TMOD2: variants seen among roughly 807,000 people sequenced by gnomAD.
The protein encoded by TMOD2 is tropomodulin-2.
A neutral mutation model predicts 39.9 loss-of-function variants in TMOD2; 22 were observed. The observed-to-expected ratio is 0.55, with a 90% confidence interval of 0.39 to 0.79. The LOEUF (loss-of-function observed/expected upper bound fraction) is 0.79, where lower values mean the gene tolerates loss of function less well. Ranked by LOEUF, TMOD2 falls within the 30% of genes least tolerant of loss-of-function variation. TMOD2 has a pLI of 0.00. For synonymous variants in TMOD2, 123 were observed against 146.1 expected (o/e 0.84, Z 1.14); for missense variants, 386 against 413.3 (o/e 0.93, Z 0.57).
chr15:51,763,106 T>TAA (rs200817394), intron 1 of TMOD2, among the ~76,000 whole-genome samples: 18 of 150,202 alleles, frequency 1.2e-4, no homozygotes, highest in East Asian at 3.9e-4. Flanking sequence ...AGCTAATTTT[T>TAA]AAAAAAAAAA....
In TMOD2 at chr15:51,808,572, CT is replaced by C; in HGVS notation, c.*119del. The C allele has an allele frequency of 1.5e-6, 1 of 650,646 alleles. No individual in the cohort carries two copies. The highest frequency in any genetic ancestry group is 2.6e-6 in the Non-Finnish European group (1 of 389,848). The allele number at this position is 650,646 out of a possible 1,614,324, so 40.3% of individuals were successfully genotyped here. On this transcript the variant is annotated 3_prime_UTR_variant, in exon 10 of 10. Transcript: ENST00000249700. ...TCGTTCATTTCCGTTAACCACATAA[CT>C]AATAATTTAATTGTTATTCTTTTTT... is the stretch of plus-strand genomic sequence containing the variant.
chr15:51,801,283 A>ACACACACG lies in TMOD2; in HGVS notation c.876+2944_876+2945insACACACGC, dbSNP rs1484824575. Among the ~76,000 whole-genome samples, 4 of 125,956 alleles carry ACACACACG rather than the reference A, an allele frequency of 3.2e-5. No homozygotes were observed. In the South Asian group the frequency reaches 7.6e-4, roughly 24 times the overall value. The allele number at this position is 125,956 out of a possible 152,430, so 82.6% of individuals were successfully genotyped here. A position where few individuals can be genotyped will look rare whatever the true frequency, so the allele number is the denominator to read the frequency against. On this transcript the variant is annotated intron_variant, in intron 8 of 9. Transcript: ENST00000249700. Reference sequence around the variant, plus strand: ...CACACACACACACACACACACACACACCCTGTCTCTCTCTCTCTCTCTCTC... The same window carrying ACACACACG: ...CACACACACACACACACACACACACACACACACGCCCTGTCTCTCTCTCTCTCTCTCTC...
At chr15:51,756,796 C>T (rs1056696978) in intron 1 of TMOD2, among the ~76,000 whole-genome samples, 81 of 152,188 alleles carry the variant, frequency 5.3e-4, no homozygotes, top group African/African-American at 1.9e-3. Flanking sequence ...CTCCTTATCC[C>T]GCCTCATTCT....
At chr15:51,806,712 T>G (rs571049219) in intron 9 of TMOD2, among the ~76,000 whole-genome samples, 191 bp downstream of exon 9, 1 of 152,230 alleles carries the variant, frequency 6.6e-6, no homozygotes. Flanking sequence ...AGTTTCATCA[T>G]AGCATTTTCT....
Position 51,768,389 on chromosome 15 carries a change from A to C in TMOD2, c.254A>C (p.Asp85Ala). 1 of 1,613,658 alleles carries C rather than the reference A, an allele frequency of 6.2e-7. No individual in the cohort carries two copies. Among genetic ancestry groups the C allele is most frequent in the Non-Finnish European group, 8.5e-7 (1 of 1,179,998 alleles). Residue 85 changes from aspartate to alanine, a missense_variant, in exon 3 of 10, where the codon GAC (aspartate) becomes GCC (alanine). Coordinates refer to ENST00000249700, the MANE Select transcript of TMOD2 (RefSeq NM_014548.4). ...KEALEQKDRE[D>A]FVPFTGEKKG... ...GCTTTGGAACAGAAAGACAGAGAGG[A>C]CTTTGTGCCCTTCACTGGAGAAAAG... is the stretch of plus-strand genomic sequence containing the variant.
intron 8 of TMOD2, 49 bp downstream of exon 8, chr15:51,798,389 G>T (rs747974245): frequency 1.5e-5 from 24 of 1,591,122 alleles, no homozygotes; most frequent in Non-Finnish European, 2.0e-5. Context: ...GGTGTGCAGT[G>T]AGCGGGGGAA....
intron 5 of TMOD2, among the ~76,000 whole-genome samples, chr15:51,778,468 C>T (rs1342435343): frequency 6.9e-6 from 1 of 145,898 alleles, no homozygotes; most frequent in Non-Finnish European, 1.5e-5. Context: ...CACATGTACC[C>T]TAAAACTTAA....
chr15:51,783,926 C>G (rs536707790), intron 7 of TMOD2: 1 of 152,120 alleles, frequency 6.6e-6, no homozygotes, highest in Admixed American at 6.5e-5. Context: ...CTATCAATAG[C>G]CAATTAGTAA....
chr15:51,779,189 T>C (rs1051397776), intron 5 of TMOD2, among the ~76,000 whole-genome samples: 4 of 152,198 alleles, frequency 2.6e-5, no homozygotes, highest in African/African-American at 4.8e-5. Context: ...TTTCTTGTTA[T>C]GCATATGGAT....
intron 3 of TMOD2, 82 bp downstream of exon 3, chr15:51,768,500 A>G: frequency 7.5e-7 from 1 of 1,328,536 alleles, no homozygotes; most frequent in Non-Finnish European, 1.0e-6. Context: ...AATTAAGATT[A>G]CCTCTTTTTA....
intron 1 of TMOD2, among the ~76,000 whole-genome samples, chr15:51,753,361 A>G (rs752437232): frequency 6.6e-6 from 1 of 152,216 alleles, no homozygotes; most frequent in Non-Finnish European, 1.5e-5. Context: ...CCAAATGACC[A>G]AGTTTAGCAG....
chr15:51,808,042 A>G (rs2056132023), intron 9 of TMOD2, among the ~76,000 whole-genome samples: 1 of 152,210 alleles, frequency 6.6e-6, no homozygotes, highest in Non-Finnish European at 1.5e-5. Flanking sequence ...CAGAATTAAA[A>G]GATTGTGATT....
intron 2 of TMOD2, 73 bp from the exon 3 acceptor site, chr15:51,768,189 G>T (rs374557616): frequency 1.9e-6 from 3 of 1,544,958 alleles, no homozygotes; most frequent in African/African-American, 2.7e-5. Flanking sequence ...ATAGTGAGTG[G>T]GGGTGGAAGA....
chr15:51,758,797 G>A (rs552375940), intron 1 of TMOD2, among the ~76,000 whole-genome samples: 1 of 152,304 alleles, frequency 6.6e-6, no homozygotes, highest in East Asian at 1.9e-4. Context: ...GAGACCAGGG[G>A]ATGAGTAGGA....
At chr15:51,779,265 C>T (rs146238015) in intron 5 of TMOD2, among the ~76,000 whole-genome samples, 103 of 152,326 alleles carry the variant, frequency 6.8e-4, no homozygotes, top group Non-Finnish European at 1.1e-3. Context: ...TTCCTATTAA[C>T]AATCTGGTGC....
chr15:51,804,580 G>GT lies in TMOD2; in HGVS notation c.877-1786dup, dbSNP rs755491024. Among the ~76,000 whole-genome samples the GT allele has an allele frequency of 2.0e-3, 277 of 136,472 alleles. 1 individual carries two copies. The highest frequency in any genetic ancestry group is 3.5e-3 in the Middle Eastern group (1 of 284). 89.5% of individuals were successfully genotyped at this position (136,472 alleles called of 152,430 possible). A position where few individuals can be genotyped will look rare whatever the true frequency, so the allele number is the denominator to read the frequency against. ...GTTTTGTTTTGTTTTGTTTTGTTTTGTTTTTTTTTTTGAGATGGAGCCTAC... is the reference window on the plus strand; with the variant it reads ...GTTTTGTTTTGTTTTGTTTTGTTTTGTTTTTTTTTTTTGAGATGGAGCCTAC... On this transcript the variant is annotated intron_variant, in intron 8 of 9. Transcript: ENST00000249700.
intron 4 of TMOD2, among the ~76,000 whole-genome samples, chr15:51,774,324 G>T (rs975418260): frequency 2.0e-5 from 3 of 152,122 alleles, no homozygotes; most frequent in Non-Finnish European, 2.9e-5. Context: ...AGGTCAAAGA[G>T]TACAAAAGAA....
At chr15:51,794,507 G>A (rs533344288) in intron 7 of TMOD2, among the ~76,000 whole-genome samples, 1 of 152,116 alleles carries the variant, frequency 6.6e-6, no homozygotes, top group Non-Finnish European at 1.5e-5. Context: ...TTAAAGCCAG[G>A]AGTTCGAGAC....
intron 7 of TMOD2, among the ~76,000 whole-genome samples, chr15:51,796,830 G>C (rs566146578): frequency 6.6e-6 from 1 of 152,288 alleles, no homozygotes; most frequent in South Asian, 2.1e-4. Context: ...CAAGGGGACT[G>C]CGTTAGGCTA....
Sources: gnomAD v4.1 joint callset for allele counts (sites outside exome capture counted in the v4.1 genomes callset) on GRCh38, gnomAD v4.1.1 for gene constraint, MANE v1.5 for transcripts, NCBI Gene and HGNC (gene_info 2026-07-23, HGNC 2026-07-21) for gene names.